Variants in EPHA7 observed in about 807,000 individuals in gnomAD.
EPHA7 encodes EPH receptor A7, also known as ephrin type-A receptor 7.
EPHA7 carries 25 observed loss-of-function variants against 112.6 expected under a neutral mutation model. The observed-to-expected ratio is 0.22, with a 90% CI of 0.16 to 0.31. The LOEUF (loss-of-function observed/expected upper bound fraction) is 0.31, where lower values mean the gene tolerates loss of function less well. EPHA7 is among the 10% of genes least tolerant of loss of function. The pLI is 1.00. For missense variants in EPHA7, 962 were observed against 1,212.6 expected (o/e 0.79, Z 3.07); for synonymous variants, 437 against 406.5 (o/e 1.07, Z -0.90).
At chr6:93,401,555 T>A (rs528540775) in intron 3 of EPHA7, among the ~76,000 whole-genome samples, 4 of 152,176 alleles carry the variant, frequency 2.6e-5, no homozygotes, top group Admixed American at 1.3e-4. Context: ...TATAACTCAT[T>A]AATTTGAACT....
chr6:93,331,376 A>T (rs897894312), intron 5 of EPHA7, among the ~76,000 whole-genome samples: 1 of 151,202 alleles, frequency 6.6e-6, no homozygotes, highest in Non-Finnish European at 1.5e-5. Flanking sequence ...TTTACCTTTA[A>T]TCCCTTTCCA....
intron 5 of EPHA7, among the ~76,000 whole-genome samples, chr6:93,273,300 C>G (rs1771317676): frequency 6.6e-6 from 1 of 151,914 alleles, no homozygotes; most frequent in African/African-American, 2.4e-5. Context: ...ACTGGCTTGG[C>G]TGAATTTCAG....
At chr6:93,248,288 A>G (rs569639796) in intron 14 of EPHA7, among the ~76,000 whole-genome samples, 2 of 152,258 alleles carry the variant, frequency 1.3e-5, no homozygotes, top group East Asian at 3.9e-4. Context: ...GATAGGATGT[A>G]ATGAGTACAG....
At chr6:93,257,587 A>C in intron 11 of EPHA7, 64 bp from the exon 12 acceptor site, 1 of 1,043,418 alleles carries the variant, frequency 9.6e-7, no homozygotes, top group South Asian at 1.4e-5. Context: ...TTCCTTTCTC[A>C]TCCCCCAATA....
At chr6:93,413,358 T>G (rs551984933) in intron 2 of EPHA7, among the ~76,000 whole-genome samples, 2 of 152,054 alleles carry the variant, frequency 1.3e-5, no homozygotes, top group African/African-American at 4.8e-5. Context: ...AGTCATAATT[T>G]GTCATTTTGT....
chr6:93,312,520 T>C (rs886126165), intron 5 of EPHA7, among the ~76,000 whole-genome samples: 3 of 152,184 alleles, frequency 2.0e-5, no homozygotes, highest in African/African-American at 7.2e-5. Context: ...TGCTCTTGAT[T>C]ATATTTTGGA....
chr6:93,277,722 T>C (rs1162228626), intron 5 of EPHA7, among the ~76,000 whole-genome samples: 5 of 151,938 alleles, frequency 3.3e-5, no homozygotes, highest in Non-Finnish European at 5.9e-5. Context: ...AACATACCAA[T>C]TAGGATAATG....
intron 10 of EPHA7, among the ~76,000 whole-genome samples, chr6:93,258,862 T>C (rs1017961293): frequency 5.3e-5 from 8 of 151,494 alleles, no homozygotes; most frequent in African/African-American, 1.9e-4. Flanking sequence ...AAATGTATAA[T>C]TAGTATAAAA....
At chr6:93,270,663 C>A (rs1486762) in intron 6 of EPHA7, among the ~76,000 whole-genome samples, 67,400 of 151,286 alleles carry the variant, frequency 0.45, 15,839 homozygotes, top group South Asian at 0.7. Context: ...GTTTGATTTG[C>A]CTTCACAGTG....
intron 6 of EPHA7, among the ~76,000 whole-genome samples, chr6:93,270,249 T>C (rs1476003522): frequency 6.6e-6 from 1 of 151,514 alleles, no homozygotes; most frequent in Non-Finnish European, 1.5e-5. Flanking sequence ...TAAATATATA[T>C]GATTTATGGT....
chr6:93,260,235 T>G (rs1037584659), intron 9 of EPHA7, among the ~76,000 whole-genome samples: 1 of 151,920 alleles, frequency 6.6e-6, no homozygotes, highest in Admixed American at 6.6e-5. Flanking sequence ...AGATCTTAAC[T>G]GCTGAGGAGG....
intron 3 of EPHA7, among the ~76,000 whole-genome samples, chr6:93,367,591 T>C (rs1455472648): frequency 6.6e-6 from 1 of 152,138 alleles, no homozygotes; most frequent in Non-Finnish European, 1.5e-5. Context: ...TGGCTTGTTC[T>C]TTATATCAAT....
At chr6:93,373,225 A>C (rs899656914) in intron 3 of EPHA7, among the ~76,000 whole-genome samples, 3 of 151,998 alleles carry the variant, frequency 2.0e-5, no homozygotes, top group African/African-American at 7.2e-5. Flanking sequence ...TATTAAAATA[A>C]TCACAAATTC....
chr6:93,375,105 T>G (rs934800002), intron 3 of EPHA7, among the ~76,000 whole-genome samples: 3 of 152,130 alleles, frequency 2.0e-5, no homozygotes, highest in Admixed American at 1.3e-4. Context: ...ACTGGATCCT[T>G]GAAAATAATA....
chr6:93,260,725 T>C, intron 9 of EPHA7: 1 of 982,082 alleles, frequency 1.0e-6, no homozygotes, highest in Non-Finnish European at 1.2e-6. Context: ...TTGATTGTCT[T>C]AAACAATTAT....
intron 3 of EPHA7, among the ~76,000 whole-genome samples, chr6:93,389,383 G>A (rs1330366590): frequency 6.6e-6 from 1 of 152,050 alleles, no homozygotes; most frequent in East Asian, 1.9e-4. Flanking sequence ...AAGGTCTTGA[G>A]AGATTAAATA....
intron 3 of EPHA7, among the ~76,000 whole-genome samples, chr6:93,392,803 T>C (rs761614677): frequency 5.3e-5 from 8 of 151,820 alleles, no homozygotes; most frequent in Non-Finnish European, 8.8e-5. Context: ...TTAAAAGCAA[T>C]ATGCATAATG....
intron 5 of EPHA7, among the ~76,000 whole-genome samples, chr6:93,325,146 A>G (rs1331777963): frequency 6.6e-6 from 1 of 151,346 alleles, no homozygotes; most frequent in Non-Finnish European, 1.5e-5. Context: ...CAGGAATAAT[A>G]TATGCATATA....
intron 5 of EPHA7, among the ~76,000 whole-genome samples, chr6:93,322,772 C>T (rs886463936): frequency 6.6e-6 from 1 of 151,490 alleles, no homozygotes; most frequent in Non-Finnish European, 1.5e-5. Context: ...TCAAATAAAT[C>T]CCTGAGGGAA....
Sources: gnomAD v4.1 joint callset for allele counts (sites outside exome capture counted in the v4.1 genomes callset) on GRCh38, gnomAD v4.1.1 for gene constraint, MANE v1.5 for transcripts, NCBI Gene and HGNC (gene_info 2026-07-23, HGNC 2026-07-21) for gene names.